NEDD4L: variants seen among roughly 807,000 people sequenced by gnomAD.
NEDD4L encodes the protein NEDD4 like E3 ubiquitin protein ligase, also known as E3 ubiquitin-protein ligase NEDD4-like.
Under a neutral mutation model 148.9 loss-of-function variants are expected in NEDD4L, and 54 were observed. The ratio of observed to expected loss-of-function variants is 0.36; its 90% CI spans 0.29 to 0.45. The LOEUF is 0.45. NEDD4L is among the 20% of genes least tolerant of loss of function. The pLI, the probability that NEDD4L is intolerant of heterozygous loss-of-function variation, is 1.00. For missense variants in NEDD4L, 856 were observed against 1,233.8 expected (o/e 0.69, Z 4.59); for synonymous variants, 433 against 440.7 (o/e 0.98, Z 0.22).
intron 30 of NEDD4L, among the ~76,000 whole-genome samples, chr18:58,394,547 A>G (rs1018842471): frequency 2.0e-5 from 3 of 152,238 alleles, no homozygotes; most frequent in African/African-American, 7.2e-5. Context: ...TGCCATCTGT[A>G]GATGTGAAGT....
rs1279937577 is a variant in NEDD4L at position 58,383,327 on chromosome 18, T to C, written c.2426+8T>C. 5 of 1,422,390 alleles carry C rather than the reference T, an allele frequency of 3.5e-6. No homozygotes were observed. Among genetic ancestry groups the C allele is most frequent in the Non-Finnish European group, 4.8e-6 (5 of 1,031,728 alleles). The allele number at this position is 1,422,390 out of a possible 1,614,324, so 88.1% of individuals were successfully genotyped here. ...CAAAAGGGAATATATCGAGTATGTATACACATATTTACTGCCTTTTCTTTG... is the reference window on the plus strand; with the variant it reads ...CAAAAGGGAATATATCGAGTATGTACACACATATTTACTGCCTTTTCTTTG... On this transcript the variant is annotated splice_region_variant and intron_variant, in intron 25 of 30. Transcript: ENST00000400345.
intron 5 of NEDD4L, among the ~76,000 whole-genome samples, chr18:58,264,415 C>T (rs1345423422): frequency 1.3e-5 from 2 of 152,030 alleles, no homozygotes; most frequent in East Asian, 3.8e-4. Flanking sequence ...ATTTGCAGAG[C>T]TGTGAGTTGC....
rs115551957 is a variant in NEDD4L at position 58,179,150 on chromosome 18, A to C, written c.122+13289A>C. Among the ~76,000 whole-genome samples, 773 of 152,328 alleles carry C rather than the reference A, an allele frequency of 5.1e-3. 12 individuals are homozygous for C. The highest frequency in any genetic ancestry group is 0.018 in the African/African-American group (752 of 41,574). ...TCTGGAAAACAAAAGAGAAATTTTCAAATATCTTTCTTCCACGGTGGTGTA... is the reference window on the plus strand; with the variant it reads ...TCTGGAAAACAAAAGAGAAATTTTCCAATATCTTTCTTCCACGGTGGTGTA... On this transcript the variant is annotated intron_variant, in intron 2 of 30. Transcript: ENST00000400345.
chr18:58,341,201 AG>A, intron 14 of NEDD4L, 32 bp downstream of exon 14: 1 of 1,606,574 alleles, frequency 6.2e-7, no homozygotes, highest in Non-Finnish European at 8.5e-7. Flanking sequence ...TTAAAACCGC[AG>A]GCCATAGAAG....
At position 58,364,340 on chromosome 18, in the gene NEDD4L, A is replaced by G. The variant is rs1428060601; in HGVS notation, c.1833+7A>G. ...GAAGAAATTAAAGAAACCTGTGAGT[A>G]ATCATGCCTTCCAAAAATGCTTTGT... On this transcript the variant is annotated splice_region_variant and intron_variant, in intron 20 of 30. Coordinates refer to ENST00000400345, the MANE Select transcript of NEDD4L (RefSeq NM_001144967.3). The G allele has an allele frequency of 6.5e-7, 1 of 1,537,854 alleles. No homozygotes were observed. The highest frequency in any genetic ancestry group is 2.4e-5 in the East Asian group (1 of 41,616).
At chr18:58,287,825 G>A (rs1465894554) in intron 5 of NEDD4L, among the ~76,000 whole-genome samples, 2 of 152,144 alleles carry the variant, frequency 1.3e-5, no homozygotes, top group Non-Finnish European at 2.9e-5. Context: ...TGGAGGAATA[G>A]TGAATAAGCA....
chr18:58,288,487 A>G (rs1229417646), intron 5 of NEDD4L, among the ~76,000 whole-genome samples: 1 of 152,218 alleles, frequency 6.6e-6, no homozygotes, highest in Non-Finnish European at 1.5e-5. Flanking sequence ...TAATTGTTTT[A>G]TGGGGGAATT....
intron 1 of NEDD4L, among the ~76,000 whole-genome samples, chr18:58,157,556 ATTTT>A (rs368026470): frequency 6.7e-6 from 1 of 150,110 alleles, no homozygotes; most frequent in African/African-American, 2.4e-5. Context: ...TTCTTTTTGG[ATTTT>A]TTTTTTAAAT....
intron 2 of NEDD4L, among the ~76,000 whole-genome samples, chr18:58,187,406 C>T (rs1459750425): frequency 6.6e-6 from 1 of 152,060 alleles, no homozygotes; most frequent in East Asian, 1.9e-4. Flanking sequence ...CAGCAGAGGG[C>T]AGGGACCGGG....
At chr18:58,333,981 G>T in intron 12 of NEDD4L, 89 bp downstream of exon 12, 1 of 798,070 alleles carries the variant, frequency 1.3e-6, no homozygotes, top group Non-Finnish European at 2.0e-6. Flanking sequence ...TTTTTCCTGT[G>T]TAAATTTATT....
intron 5 of NEDD4L, among the ~76,000 whole-genome samples, chr18:58,301,270 T>C (rs773831205): frequency 9.9e-5 from 15 of 152,232 alleles, no homozygotes; most frequent in Non-Finnish European, 1.8e-4. Context: ...CCCCTTCTCC[T>C]CCTCGTGTTC....
At chr18:58,229,001 A>G (rs981130290) in intron 2 of NEDD4L, among the ~76,000 whole-genome samples, 2 of 152,142 alleles carry the variant, frequency 1.3e-5, no homozygotes, top group African/African-American at 4.8e-5. Context: ...ACCCAATCAG[A>G]CTACATTTTA....
At chr18:58,135,193 G>A (rs940950279) in intron 1 of NEDD4L, among the ~76,000 whole-genome samples, 1 of 152,116 alleles carries the variant, frequency 6.6e-6, no homozygotes, top group African/African-American at 2.4e-5. Flanking sequence ...AACAGTACAC[G>A]ATGAATGGAT....
At position 58,398,240 on chromosome 18, in the gene NEDD4L, A is replaced by G. The variant is rs1568973937; in HGVS notation, c.*1971A>G. 6.8e-6 allele frequency: 1 copy of G among 147,300 alleles called. No homozygotes were observed. Among genetic ancestry groups the G allele is most frequent in the African/African-American group, 2.6e-5 (1 of 38,920 alleles). 9.1% of individuals were successfully genotyped at this position (147,300 alleles called of 1,614,324 possible). On this transcript the variant is annotated 3_prime_UTR_variant, in exon 31 of 31. Transcript: ENST00000400345. ...CTATTGGTGAGATGTTTTCCGCTAC[A>G]GTTAACATGACAAATGTCTCAGTGG...
At chr18:58,315,479 AC>A (rs1488688380) in intron 5 of NEDD4L, among the ~76,000 whole-genome samples, 9 of 137,872 alleles carry the variant, frequency 6.5e-5, no homozygotes, top group African/African-American at 3.2e-4. Flanking sequence ...TAAAAAAAAA[AC>A]AATGTACTTA....
rs182987597 is a variant in NEDD4L at position 58,201,721 on chromosome 18, C to T, written c.122+35860C>T. Among the ~76,000 whole-genome samples, 229 of 152,316 alleles carry T rather than the reference C, an allele frequency of 1.5e-3. No individual in the cohort carries two copies. The Middle Eastern group carries it at 0.024, about 16-fold the overall frequency. On this transcript the variant is annotated intron_variant, in intron 2 of 30. Transcript: ENST00000400345. ...CTGTCTTTATTTGTTCTGGGATTAT[C>T]CCTCCTCCATTGCCCTTTTTGGAAA...
In NEDD4L at chr18:58,044,709, G is replaced by A; in HGVS notation, c.48+1G>A. 6.2e-7 allele frequency: 1 copy of A among 1,606,688 alleles called. No individual in the cohort carries two copies. The highest frequency in any genetic ancestry group is 8.5e-7 in the Non-Finnish European group (1 of 1,176,646). On this transcript the variant is annotated splice_donor_variant, in intron 1 of 30. Coordinates refer to ENST00000400345, the MANE Select transcript of NEDD4L (RefSeq NM_001144967.3). LOFTEE classifies it high-confidence loss of function. ...GGTCTATGGACTTTCCGAAGACGAGGTGAGTGGCACCCCCTTCCTGCTCGG... is the reference window on the plus strand; with the variant it reads ...GGTCTATGGACTTTCCGAAGACGAGATGAGTGGCACCCCCTTCCTGCTCGG...
chr18:58,270,508 G>A (rs1382833370), intron 5 of NEDD4L, among the ~76,000 whole-genome samples: 1 of 152,172 alleles, frequency 6.6e-6, no homozygotes, highest in Non-Finnish European at 1.5e-5. Context: ...TCTCTCTTAA[G>A]TAGAGCGTTC....
rs768818342 is a variant in NEDD4L at position 58,165,774 on chromosome 18, TCTC to T, written c.49-11_49-9del. 14 of 1,605,956 alleles carry T rather than the reference TCTC, an allele frequency of 8.7e-6. No homozygotes were observed. Among genetic ancestry groups the T allele is most frequent in the Middle Eastern group, 1.6e-4 (1 of 6,076 alleles). ...TCAGGTTTTTAACCTCTTTTTTTGT[TCTC>T]CTTCTCACAGGGAGAGTCCCGTATT... is the stretch of plus-strand genomic sequence containing the variant. On this transcript the variant is annotated splice_polypyrimidine_tract_variant and intron_variant, in intron 1 of 30. Coordinates refer to ENST00000400345, the MANE Select transcript of NEDD4L (RefSeq NM_001144967.3).
Sources: gnomAD v4.1 joint callset for allele counts (sites outside exome capture counted in the v4.1 genomes callset) on GRCh38, gnomAD v4.1.1 for gene constraint, MANE v1.5 for transcripts, NCBI Gene and HGNC (gene_info 2026-07-23, HGNC 2026-07-21) for gene names.